The following USP34 variants were observed in gnomAD, a reference collection of about 807,000 sequenced individuals.
USP34 encodes the protein ubiquitin carboxyl-terminal hydrolase 34.
USP34 carries 70 observed loss-of-function variants against 460.3 expected under a neutral mutation model. That is an observed-to-expected ratio of 0.15 (90% CI 0.13 to 0.19). USP34 has a LOEUF of 0.19. Among genes scored for constraint, USP34 ranks in the 10% least tolerant of loss-of-function variants. The probability of loss-of-function intolerance (pLI) is 1.00; values close to 1 mark genes in which losing one functional copy is unlikely to be tolerated. For missense variants in USP34, 3,985 were observed against 4,236.2 expected (o/e 0.94, Z 1.65); for synonymous variants, 1,647 against 1,405.3 (o/e 1.17, Z -3.85).
chr2:61,346,527 T>TAAA (rs926076478), intron 15 of USP34, among the ~76,000 whole-genome samples: 4 of 44,270 alleles, frequency 9.0e-5, no homozygotes, highest in Non-Finnish European at 1.1e-4. Flanking sequence ...CCCTATCTCT[T>TAAA]AAAAAAAAAA....
At chr2:61,230,730 G>C (rs536059041) in intron 58 of USP34, among the ~76,000 whole-genome samples, 2 of 151,650 alleles carry the variant, frequency 1.3e-5, no homozygotes, top group South Asian at 4.2e-4. Flanking sequence ...TGTAATCCCA[G>C]CTACTTGGAA....
In USP34 at chr2:61,223,278, C is replaced by A; in HGVS notation, c.7614G>T (p.Gln2538His). 6.2e-7 allele frequency: 1 copy of A among 1,613,878 alleles called. No individual in the cohort carries two copies. The highest frequency in any genetic ancestry group is 1.3e-5 in the African/African-American group (1 of 75,032). ...SRSERHLTLS[Q>H]TDMAALTGGK... The stretch of plus-strand genomic sequence containing the variant: ...CTCCTGTTAATGCTGCCATGTCAGT[C>A]TGTGATAATGTCAAATGCCTGAAAG... Residue 2538 changes from glutamine to histidine, a missense_variant, in exon 63 of 80, where the codon CAG becomes CAT. By Grantham distance (24) the Gln-to-His change is conservative (BLOSUM62 0). Coordinates refer to ENST00000398571, the MANE Select transcript of USP34 (RefSeq NM_014709.4).
chr2:61,209,856 G>A (rs1235206945), intron 69 of USP34, among the ~76,000 whole-genome samples: 3 of 152,150 alleles, frequency 2.0e-5, no homozygotes, highest in Non-Finnish European at 4.4e-5. Flanking sequence ...GTGGAGGTGG[G>A]AGACAGAGAT....
At chr2:61,466,997 GGTTT>G (rs1695783261) in intron 1 of USP34, among the ~76,000 whole-genome samples, 1 of 151,996 alleles carries the variant, frequency 6.6e-6, no homozygotes, top group African/African-American at 2.4e-5. Context: ...CAGTGTTTTT[GGTTT>G]GTTTTTTCAA....
intron 41 of USP34, among the ~76,000 whole-genome samples, chr2:61,267,146 G>C: frequency 6.6e-6 from 1 of 152,132 alleles, no homozygotes; most frequent in East Asian, 1.9e-4. Context: ...GTTGCAACTG[G>C]CTTCCTCCAG....
intron 20 of USP34, among the ~76,000 whole-genome samples, chr2:61,326,628 A>C (rs891865740): frequency 1.3e-5 from 2 of 152,084 alleles, no homozygotes; most frequent in African/African-American, 2.4e-5. Context: ...TTGAGCACTC[A>C]ATGAAACTAA....
rs55720314 is a variant in USP34, at chr2:61,416,821, T to TGGGGG, written c.131+3920_131+3924dup. On this transcript the variant is annotated intron_variant, in intron 2 of 79. Coordinates refer to ENST00000398571, the MANE Select transcript of USP34 (RefSeq NM_014709.4). ...TTAACCTCCCTAATCTTTTTTTTTT[T>TGGGGG]GGGGGGGGGGACAGGAAGTAGAATG... 3.6e-3 allele frequency: 781 copies of TGGGGG among 218,586 alleles called. 2 individuals carry two copies. The highest frequency in any genetic ancestry group is 4.1e-3 in the Non-Finnish European group (503 of 121,334). 13.5% of individuals were successfully genotyped at this position (218,586 alleles called of 1,614,324 possible). A position where few individuals can be genotyped will look rare whatever the true frequency, so the allele number is the denominator to read the frequency against.
Position 61,405,907 on chromosome 2 carries a change from C to T in USP34, c.353G>A (p.Arg118Lys). 1 of 1,613,340 alleles carries T rather than the reference C, an allele frequency of 6.2e-7. No individual in the cohort carries two copies. Among genetic ancestry groups the T allele is most frequent in the Non-Finnish European group, 8.5e-7 (1 of 1,179,856 alleles). ...TGATTTTTTTTCTATTGATTTTTGT[C>T]TTTCTGTACTTCCTTCATTACACTC... is the stretch of plus-strand genomic sequence containing the variant. ...DRECNEGSTE[R>K]QKSIEKKSNS... The change falls in exon 3 of 80, where the codon AGA becomes AAA. Residue 118 changes from arginine to lysine, a missense_variant. Transcript: ENST00000398571.
At chr2:61,244,873 A>ACAAATTACTT (rs1221588173) in intron 51 of USP34, among the ~76,000 whole-genome samples, 135 of 152,278 alleles carry the variant, frequency 8.9e-4, no homozygotes, top group African/African-American at 3.2e-3. Context: ...TTTCAGATTA[A>ACAAATTACTT]GTCAGTAAAC....
At chr2:61,235,602 G>GCTCA (rs752923373) in intron 57 of USP34, among the ~76,000 whole-genome samples, 10 of 151,996 alleles carry the variant, frequency 6.6e-5, no homozygotes, top group African/African-American at 2.2e-4. Context: ...GGGGTTACAG[G>GCTCA]CGTGAGCCAC....
At chr2:61,298,537 CAAAAAAAAAAAAAAA>C (rs57087400) in intron 29 of USP34, among the ~76,000 whole-genome samples, 10 of 28,286 alleles carry the variant, frequency 3.5e-4, no homozygotes, top group East Asian at 1.6e-3. Flanking sequence ...GACTCTGTCT[CAAAAAAAAAAAAAAA>C]AAAAAAAAAA....
chr2:61,350,562 T>G lies in USP34; in HGVS notation c.1377+6A>C, dbSNP rs375045944. 7 of 1,598,082 alleles carry G rather than the reference T, an allele frequency of 4.4e-6. No individual in the cohort carries two copies. In the African/African-American group the frequency reaches 9.5e-5, roughly 22 times the overall value. On this transcript the variant is annotated splice_donor_region_variant and intron_variant, in intron 11 of 79. Transcript: ENST00000398571. ...AAAAAAAACTATCATGTTTTGAATG[T>G]ATTACCTGTTCAGTATGAACACTTG...
chr2:61,275,476 T>A (rs1689344973), intron 41 of USP34, among the ~76,000 whole-genome samples: 1 of 151,614 alleles, frequency 6.6e-6, no homozygotes. Flanking sequence ...ATAAATAAAT[T>A]AGCTGGGTGT....
At position 61,470,637 on chromosome 2, in the gene USP34, C is replaced by G. The variant is rs199905168; in HGVS notation, c.43+13G>C. On this transcript the variant is annotated intron_variant, in intron 1 of 79. Coordinates refer to ENST00000398571, the MANE Select transcript of USP34 (RefSeq NM_014709.4). Reference sequence around the variant, plus strand: ...ACCGTGCACCCCGACAGGCCGCTACCGCGGCTACTTACTTTCATTTAACAC... The same window carrying G: ...ACCGTGCACCCCGACAGGCCGCTACGGCGGCTACTTACTTTCATTTAACAC... 3 of 1,585,320 alleles carry G rather than the reference C, an allele frequency of 1.9e-6. No homozygotes were observed. The highest frequency in any genetic ancestry group is 2.6e-6 in the Non-Finnish European group (3 of 1,162,022).
rs375463302 is a variant in USP34, at chr2:61,331,273, T to C, written c.2930+3A>G. Reference sequence around the variant, plus strand: ...GTATTTAACCCAGTTGAGAGGTACTTACAGTGCATGTTTTTGTCTTCCTTC... The same window carrying C: ...GTATTTAACCCAGTTGAGAGGTACTCACAGTGCATGTTTTTGTCTTCCTTC... On this transcript the variant is annotated splice_donor_region_variant and intron_variant, in intron 20 of 79. Transcript: ENST00000398571. 1.2e-6 allele frequency: 2 copies of C among 1,609,648 alleles called. No individual in the cohort carries two copies. Among genetic ancestry groups the C allele is most frequent in the African/African-American group, 1.3e-5 (1 of 74,936 alleles).
At chr2:61,354,033 C>T (rs750496649) in intron 10 of USP34, among the ~76,000 whole-genome samples, 1 of 152,092 alleles carries the variant, frequency 6.6e-6, no homozygotes, top group Non-Finnish European at 1.5e-5. Flanking sequence ...TACCATGAAG[C>T]AGAGCAACAC....
At chr2:61,433,083 G>C (rs1041629546) in intron 1 of USP34, among the ~76,000 whole-genome samples, 4 of 152,182 alleles carry the variant, frequency 2.6e-5, no homozygotes, top group Admixed American at 6.6e-5. Context: ...AAAGGACAAA[G>C]GTTAACAAAT....
chr2:61,332,612 C>T (rs890318480), intron 19 of USP34, among the ~76,000 whole-genome samples: 2 of 151,888 alleles, frequency 1.3e-5, no homozygotes, highest in Non-Finnish European at 2.9e-5. Context: ...CAAATGACTG[C>T]CTTTACTGCA....
chr2:61,369,642 CAAAAAAAAA>C (rs57947331), intron 10 of USP34, among the ~76,000 whole-genome samples: 1 of 43,428 alleles, frequency 2.3e-5, no homozygotes, highest in African/African-American at 9.7e-5. Flanking sequence ...GATTCCGTCT[CAAAAAAAAA>C]AAAAAAAAAA....
Sources: gnomAD v4.1 joint callset for allele counts (sites outside exome capture counted in the v4.1 genomes callset) on GRCh38, gnomAD v4.1.1 for gene constraint, MANE v1.5 for transcripts, NCBI Gene and HGNC (gene_info 2026-07-23, HGNC 2026-07-21) for gene names.